The following COX16 variants were observed in gnomAD, a reference collection of about 807,000 sequenced individuals.
The protein encoded by COX16 is cytochrome c oxidase assembly protein COX16 homolog, mitochondrial.
COX16 carries 12 observed loss-of-function variants against 15.4 expected under a neutral mutation model. The ratio of observed to expected loss-of-function variants is 0.78; its 90% CI spans 0.50 to 1.26. The LOEUF (loss-of-function observed/expected upper bound fraction) is 1.26. COX16 is among the 50% of genes most tolerant of loss of function. The pLI is 0.00. For synonymous variants in COX16, 46 were observed against 41.1 expected (o/e 1.12, Z -0.46); for missense variants, 124 against 127.6 (o/e 0.97, Z 0.14).
chr14:70,331,020 TTTTC>T (rs1035558211), intron 2 of COX16, among the ~76,000 whole-genome samples: 33 of 152,200 alleles, frequency 2.2e-4, no homozygotes, highest in African/African-American at 7.7e-4. Flanking sequence ...ATTGAACTTT[TTTTC>T]TTTGAGATGG....
chr14:70,353,490 A>G (rs1299892371), intron 1 of COX16, among the ~76,000 whole-genome samples: 3 of 135,914 alleles, frequency 2.2e-5, no homozygotes, highest in Non-Finnish European at 5.0e-5. Flanking sequence ...ACACACACAT[A>G]GAGATAGATA....
rs796461945 is a variant in COX16, at chr14:70,346,677, A to AT, written c.70-3949dup. On this transcript the variant is annotated intron_variant, in intron 1 of 3. Coordinates refer to ENST00000389912, the MANE Select transcript of COX16 (RefSeq NM_016468.7). ...CCCTGATGGTGGCAGGTAGGCCAGT[A>AT]TTTTTTTTTTAATTAATACCGGGCA... Among the ~76,000 whole-genome samples, 928 of 149,986 alleles carry AT rather than the reference A, an allele frequency of 6.2e-3. 5 individuals carry two copies. The highest frequency in any genetic ancestry group is 0.042 in the East Asian group (214 of 5,110).
chr14:70,327,078 C>T (rs1886103721), intron 3 of COX16, among the ~76,000 whole-genome samples: 2 of 152,284 alleles, frequency 1.3e-5, no homozygotes, highest in Non-Finnish European at 2.9e-5. Context: ...CTTCACCTTT[C>T]TCCTACTGAC....
At chr14:70,355,467 T>C (rs1457196959) in intron 1 of COX16, among the ~76,000 whole-genome samples, 2 of 152,200 alleles carry the variant, frequency 1.3e-5, no homozygotes, top group Non-Finnish European at 2.9e-5. Flanking sequence ...TAAAAGCATA[T>C]GTTGATTACA....
intron 2 of COX16, among the ~76,000 whole-genome samples, chr14:70,329,766 C>T (rs1353875928): frequency 6.9e-6 from 1 of 145,930 alleles, no homozygotes; most frequent in Non-Finnish European, 1.5e-5. Flanking sequence ...GGAGCTAATG[C>T]TATATTAACT....
intron 2 of COX16, among the ~76,000 whole-genome samples, chr14:70,333,586 T>C (rs1204101513): frequency 1.3e-5 from 2 of 152,116 alleles, no homozygotes; most frequent in Non-Finnish European, 2.9e-5. Context: ...ACAGGATCTA[T>C]GGAACAACAT....
intron 3 of COX16, chr14:70,328,072 A>AGTTTTTTTTTTT (rs1886142454): frequency 1.2e-5 from 1 of 80,840 alleles, no homozygotes; most frequent in Non-Finnish European, 2.2e-5. Flanking sequence ...TGAGAATAAG[A>AGTTTTTTTTTTT]TTTTTTTTTT....
At chr14:70,331,590 T>C (rs1366140313) in intron 2 of COX16, among the ~76,000 whole-genome samples, 3 of 152,218 alleles carry the variant, frequency 2.0e-5, no homozygotes, top group Admixed American at 2.0e-4. Flanking sequence ...TAGCAATTCG[T>C]AACACACCCA....
intron 2 of COX16, among the ~76,000 whole-genome samples, chr14:70,333,176 A>G (rs1886345237): frequency 6.6e-6 from 1 of 152,230 alleles, no homozygotes; most frequent in Non-Finnish European, 1.5e-5. Flanking sequence ...AAACTGTCAC[A>G]TTTCCTTGAG....
At chr14:70,338,355 A>G (rs955823843) in intron 2 of COX16, among the ~76,000 whole-genome samples, 4 of 152,202 alleles carry the variant, frequency 2.6e-5, no homozygotes, top group African/African-American at 9.6e-5. Context: ...CAAGTGATCC[A>G]CCAACCTTGG....
At chr14:70,342,547 T>C (rs1886654408) in intron 2 of COX16, 111 bp downstream of exon 2, 4 of 953,760 alleles carry the variant, frequency 4.2e-6, no homozygotes, top group Non-Finnish European at 6.0e-6. Flanking sequence ...CACATCTTAG[T>C]GTTGAAAAGC....
At chr14:70,349,320 G>A (rs917462544) in intron 1 of COX16, among the ~76,000 whole-genome samples, 5 of 152,134 alleles carry the variant, frequency 3.3e-5, no homozygotes, top group African/African-American at 7.2e-5. Flanking sequence ...CTCACATGCC[G>A]CCCAATAAAC....
chr14:70,352,647 T>C lies in COX16; in HGVS notation c.69+6872A>G, dbSNP rs1054701702. ...CACAAATATATTTCTTTTTTTTTCT[T>C]TTTTTTTTTTTTTTTTGAGACAGAG... is the stretch of plus-strand genomic sequence containing the variant. On this transcript the variant is annotated intron_variant, in intron 1 of 3. Transcript: ENST00000389912. Among the ~76,000 whole-genome samples, 4 of 49,274 alleles carry C rather than the reference T, an allele frequency of 8.1e-5. No homozygotes were observed. In the African/African-American group the frequency reaches 8.8e-4, roughly 11 times the overall value. The allele number at this position is 49,274 out of a possible 152,430, so 32.3% of individuals were successfully genotyped here. A position where few individuals can be genotyped will look rare whatever the true frequency, so the allele number is the denominator to read the frequency against.
chr14:70,352,794 T>A (rs1594926762), intron 1 of COX16, among the ~76,000 whole-genome samples: 1 of 151,954 alleles, frequency 6.6e-6, no homozygotes, highest in Non-Finnish European at 1.5e-5. Flanking sequence ...TTTGTACACA[T>A]ATACTGGAGA....
At chr14:70,332,018 C>T (rs1886306801) in intron 2 of COX16, among the ~76,000 whole-genome samples, 1 of 152,236 alleles carries the variant, frequency 6.6e-6, no homozygotes, top group African/African-American at 2.4e-5. Flanking sequence ...ATCCACTGAG[C>T]TTGCTTCTAA....
chr14:70,359,355 G>C, intron 1 of COX16, 164 bp downstream of exon 1: 1 of 692,900 alleles, frequency 1.4e-6, no homozygotes, highest in Non-Finnish European at 2.6e-6. Flanking sequence ...GTGTGGAAAA[G>C]ACTGGTGGAA....
At chr14:70,332,016 AGCTT>A (rs1479552909) in intron 2 of COX16, among the ~76,000 whole-genome samples, 1 of 152,236 alleles carries the variant, frequency 6.6e-6, no homozygotes, top group Non-Finnish European at 1.5e-5. Context: ...TGATCCACTG[AGCTT>A]GCTTCTAAGT....
chr14:70,329,069 C>T (rs2140676779), intron 3 of COX16, 105 bp downstream of exon 3: 2 of 980,724 alleles, frequency 2.0e-6, no homozygotes, highest in South Asian at 2.2e-5. Context: ...TTATCAAATA[C>T]CATATATATT....
chr14:70,330,977 A>G (rs1293742035), intron 2 of COX16, among the ~76,000 whole-genome samples: 1 of 152,038 alleles, frequency 6.6e-6, no homozygotes, highest in Admixed American at 6.5e-5. Flanking sequence ...TTTCTTAAAA[A>G]TCATAAAGTA....
Sources: gnomAD v4.1 joint callset for allele counts (sites outside exome capture counted in the v4.1 genomes callset) on GRCh38, gnomAD v4.1.1 for gene constraint, MANE v1.5 for transcripts, NCBI Gene and HGNC (gene_info 2026-07-23, HGNC 2026-07-21) for gene names.